Variants in EVC observed in about 807,000 individuals in gnomAD.
EVC encodes the protein EvC ciliary complex subunit 1.
Under a neutral mutation model 118.9 loss-of-function variants are expected in EVC, and 116 were observed. That is an observed-to-expected ratio of 0.98 (90% CI 0.84 to 1.14). The LOEUF (loss-of-function observed/expected upper bound fraction) is 1.14, where lower values mean the gene tolerates loss of function less well. Among genes scored for constraint, EVC ranks in the 50% most tolerant of loss-of-function variants. EVC has a pLI of 0.00. For synonymous variants in EVC, 619 were observed against 534.7 expected (o/e 1.16, Z -2.18); for missense variants, 1,401 against 1,246.4 (o/e 1.12, Z -1.87).
rs140917743 is a variant in EVC at position 5,731,091 on chromosome 4, G to A, written c.385-334G>A. ...AGGAGAGAACTGGGTCAGGGCAAGC[G>A]GTGGCTATGGAGGAGGTAGGTCAGA... On this transcript the variant is annotated intron_variant, in intron 3 of 20. Transcript: ENST00000264956. This position sits in a 1 kb window ranked among gnomAD's most constrained non-coding sequence, Gnocchi z 5.6. 1.3e-5 allele frequency among the ~76,000 whole-genome samples: 2 copies of A among 152,166 alleles called. No homozygotes were observed. Among genetic ancestry groups the A allele is most frequent in the Non-Finnish European group, 2.9e-5 (2 of 67,988 alleles).
chr4:5,793,073 C>T (rs1713093400), intron 12 of EVC, among the ~76,000 whole-genome samples: 1 of 152,118 alleles, frequency 6.6e-6, no homozygotes, highest in South Asian at 2.1e-4. Context: ...GGAAAAGCAA[C>T]CAAGAATAGC....
Position 5,756,302 on chromosome 4 carries a change from G to A in EVC, c.1503G>A (p.Gln501=), listed in dbSNP as rs1235079770. 1 of 1,612,972 alleles carries A rather than the reference G, an allele frequency of 6.2e-7. No homozygotes were observed. Among genetic ancestry groups the A allele is most frequent in the African/African-American group, 1.3e-5 (1 of 74,894 alleles). The change falls in exon 11 of 21, where the codon CAG becomes CAA. Residue 501 remains glutamine (Q), a synonymous_variant. Transcript: ENST00000264956. This position sits in a 1 kb window ranked among gnomAD's most constrained non-coding sequence, Gnocchi z 4.2. ...HEVLERQRLM[Q]CDLEEEENVR... is the part of the protein sequence containing the mutation. ...TCCTGGAGAGGCAGAGGCTGATGCA[G>A]TGTGACCTGGAGGAAGAGGAGAATG...
Position 5,808,628 on chromosome 4 carries a change from C to G in EVC, c.2688+301C>G, listed in dbSNP as rs76663613. ...AGCTGACAGAGAATTGAGCATTCCC[C>G]TGTGTGCGCATGGCCACCAGGAGGC... On this transcript the variant is annotated intron_variant, in intron 18 of 20. Coordinates refer to ENST00000264956, the MANE Select transcript of EVC (RefSeq NM_153717.3). 0.011 allele frequency among the ~76,000 whole-genome samples: 1,636 copies of G among 152,360 alleles called. 33 individuals are homozygous for G. Among genetic ancestry groups the G allele is most frequent in the African/African-American group, 0.037 (1,544 of 41,584 alleles).
intron 12 of EVC, among the ~76,000 whole-genome samples, chr4:5,790,334 G>C (rs1306305431): frequency 1.3e-5 from 2 of 152,204 alleles, no homozygotes; most frequent in African/African-American, 4.8e-5. Flanking sequence ...AGTTTTGTGA[G>C]AGTTAAGTGC....
intron 11 of EVC, among the ~76,000 whole-genome samples, chr4:5,778,492 C>T (rs1202154818): frequency 6.6e-6 from 1 of 151,910 alleles, no homozygotes; most frequent in Non-Finnish European, 1.5e-5. Context: ...ACATCCTCTC[C>T]AGCACCTGTT....
intron 2 of EVC, among the ~76,000 whole-genome samples, chr4:5,725,983 G>A (rs1293600040): frequency 2.6e-5 from 4 of 152,206 alleles, no homozygotes; most frequent in Admixed American, 6.5e-5. Flanking sequence ...AGGAGCCCCT[G>A]GTGTGGAGTG....
downstream of EVC, chr4:5,814,404 C>G (rs1185812029): frequency 6.6e-6 from 1 of 152,250 alleles, no homozygotes; most frequent in Non-Finnish European, 1.5e-5. Flanking sequence ...TCCTGGCCAA[C>G]CAGGGGTCAC....
At chr4:5,787,963 C>A (rs868705842) in intron 12 of EVC, among the ~76,000 whole-genome samples, 3 of 152,148 alleles carry the variant, frequency 2.0e-5, no homozygotes, top group Non-Finnish European at 2.9e-5. Flanking sequence ...CCTTGAAACA[C>A]CCGCTTGACT....
Position 5,743,569 on chromosome 4 carries a change from AT to A in EVC, c.802-1633del, listed in dbSNP as rs1318716364. Among the ~76,000 whole-genome samples, 2 of 152,058 alleles carry A rather than the reference AT, an allele frequency of 1.3e-5. No individual in the cohort carries two copies. Among genetic ancestry groups the A allele is most frequent in the African/African-American group, 2.4e-5 (1 of 41,386 alleles). On this transcript the variant is annotated intron_variant, in intron 6 of 20. Transcript: ENST00000264956. This position sits in a 1 kb window ranked among gnomAD's most constrained non-coding sequence, Gnocchi z 4.7. The stretch of plus-strand genomic sequence containing the variant: ...TACCTTCACCTTCATTAGAGTCCTC[AT>A]TGTCATCGTCATCGTCCTTGTTCCT...
the EVC span, chr4:5,824,305 A>C: frequency 1.0e-6 from 1 of 985,246 alleles, no homozygotes; most frequent in Non-Finnish European, 1.2e-6. Flanking sequence ...CATTCTATTT[A>C]GGGTCCATTT....
chr4:5,769,961 G>C (rs1733689818), intron 11 of EVC, among the ~76,000 whole-genome samples: 1 of 152,072 alleles, frequency 6.6e-6, no homozygotes, highest in Non-Finnish European at 1.5e-5. Flanking sequence ...TAACTCACCA[G>C]AAGGACTCCC....
intron 11 of EVC, among the ~76,000 whole-genome samples, chr4:5,772,936 G>A (rs1734208457): frequency 6.6e-6 from 1 of 152,068 alleles, no homozygotes; most frequent in Non-Finnish European, 1.5e-5. Flanking sequence ...GCCCTCCTCT[G>A]ACCTCTCCCC....
At chr4:5,769,158 CTGGGGAG>C (rs1733533062) in intron 11 of EVC, among the ~76,000 whole-genome samples, 1 of 53,898 alleles carries the variant, frequency 1.9e-5, no homozygotes, top group Non-Finnish European at 4.0e-5. Flanking sequence ...TTCCACGTGG[CTGGGGAG>C]GCCTCACAGT....
intron 12 of EVC, among the ~76,000 whole-genome samples, chr4:5,791,480 C>T (rs1485201342): frequency 6.6e-6 from 1 of 152,038 alleles, no homozygotes; most frequent in African/African-American, 2.4e-5. Flanking sequence ...TAGAAAACAG[C>T]GCAGAACCAA....
chr4:5,714,518 G>A (rs1300559175), intron 1 of EVC, among the ~76,000 whole-genome samples: 1 of 132,990 alleles, frequency 7.5e-6, no homozygotes, highest in African/African-American at 2.8e-5. Flanking sequence ...TTTTTTGGCT[G>A]CGTGCAATAG....
intron 1 of EVC, among the ~76,000 whole-genome samples, chr4:5,714,072 C>T (rs767307770): frequency 1.8e-4 from 28 of 152,220 alleles, no homozygotes; most frequent in Non-Finnish European, 3.8e-4. Context: ...CTCTGCACTT[C>T]TGCACATCTG....
In EVC at chr4:5,753,876, A is replaced by G. The variant is rs755691949; in HGVS notation, c.1407A>G (p.Glu469=). ...TAKLTLAQEE[E]QRSFLAEAQP... ...AACTCACGCTGGCCCAAGAGGAGGA[A>G]CAGAGAAGCTTCCTGGCTGAGGCCC... The change falls in exon 10 of 21, where the codon GAA becomes GAG. Residue 469 remains glutamate, a synonymous_variant. Transcript: ENST00000264956. 2.5e-6 allele frequency: 4 copies of G among 1,613,998 alleles called. No individual in the cohort carries two copies. The highest frequency in any genetic ancestry group is 3.4e-6 in the Non-Finnish European group (4 of 1,180,048).
chr4:5,775,334 A>G (rs1452033713), intron 11 of EVC, among the ~76,000 whole-genome samples: 5 of 152,170 alleles, frequency 3.3e-5, no homozygotes, highest in African/African-American at 1.2e-4. Context: ...CATATAGAGC[A>G]AGAAAGAGAA....
At chr4:5,759,015 T>C (rs1454421494) in intron 11 of EVC, among the ~76,000 whole-genome samples, 2 of 151,928 alleles carry the variant, frequency 1.3e-5, no homozygotes, top group African/African-American at 2.4e-5. Context: ...GGGAGTCTTA[T>C]GTGATTATTC....
Sources: gnomAD v4.1 joint callset for allele counts (sites outside exome capture counted in the v4.1 genomes callset) on GRCh38, gnomAD v4.1.1 for gene constraint, Gnocchi (gnomAD v3.1) non-coding constraint, MANE v1.5 for transcripts, NCBI Gene and HGNC (gene_info 2026-07-23, HGNC 2026-07-21) for gene names.